MAML3: variants seen among roughly 807,000 people sequenced by gnomAD.
MAML3 encodes mastermind like transcriptional coactivator 3, also known as mastermind-like protein 3.
A neutral mutation model predicts 101.9 loss-of-function variants in MAML3; 27 were observed. The observed-to-expected ratio is 0.27, with a 90% CI of 0.20 to 0.37. MAML3 has a LOEUF of 0.37. Ranked by LOEUF, MAML3 falls within the 10% of genes least tolerant of loss-of-function variation. The pLI is 1.00. For synonymous variants in MAML3, 501 were observed against 555.9 expected (o/e 0.90, Z 1.39); for missense variants, 1,316 against 1,444.9 (o/e 0.91, Z 1.45).
chr4:139,918,200 G>A lies in MAML3; in HGVS notation c.469-27233C>T, dbSNP rs557631627. 5.3e-5 allele frequency among the ~76,000 whole-genome samples: 8 copies of A among 152,164 alleles called. No homozygotes were observed. The East Asian group carries it at 1.4e-3, about 26-fold the overall frequency. On this transcript the variant is annotated intron_variant, in intron 1 of 4. Coordinates refer to ENST00000509479, the MANE Select transcript of MAML3 (RefSeq NM_018717.5). Reference sequence around the variant, plus strand: ...TCCACCAGCATCCAGAGTCACTGTTGAAAAACATTCTTCAGAGTATGTCTT... The same window carrying A: ...TCCACCAGCATCCAGAGTCACTGTTAAAAAACATTCTTCAGAGTATGTCTT...
chr4:139,865,621 CT>C (rs1212644764), intron 2 of MAML3, among the ~76,000 whole-genome samples: 1 of 151,264 alleles, frequency 6.6e-6, no homozygotes, highest in Non-Finnish European at 1.5e-5. Context: ...TCTTGTTTAA[CT>C]CTTCCCAACT....
intron 1 of MAML3, among the ~76,000 whole-genome samples, chr4:140,118,639 G>C (rs1455485016): frequency 6.6e-6 from 1 of 152,120 alleles, no homozygotes; most frequent in Non-Finnish European, 1.5e-5. Flanking sequence ...GAGCCTAGGA[G>C]TTCAAGACCA....
chr4:139,832,848 C>T (rs1176504024), intron 2 of MAML3, among the ~76,000 whole-genome samples: 1 of 152,192 alleles, frequency 6.6e-6, no homozygotes, highest in Non-Finnish European at 1.5e-5. Context: ...TGATATTTGT[C>T]CACATCATCC....
chr4:139,798,214 A>T (rs530121354), intron 2 of MAML3, among the ~76,000 whole-genome samples: 1 of 152,198 alleles, frequency 6.6e-6, no homozygotes, highest in South Asian at 2.1e-4. Context: ...TAATACAATA[A>T]GAAAAAAATC....
chr4:139,740,516 G>C (rs1729128941), intron 2 of MAML3: 1 of 152,166 alleles, frequency 6.6e-6, no homozygotes, highest in Non-Finnish European at 1.5e-5. Flanking sequence ...AGTCTCAGCT[G>C]TCTTCAGCTG....
At chr4:140,101,208 C>T (rs1017701809) in intron 1 of MAML3, among the ~76,000 whole-genome samples, 5 of 152,146 alleles carry the variant, frequency 3.3e-5, no homozygotes, top group East Asian at 1.9e-4. Flanking sequence ...TTGTTTAAGC[C>T]GTCAAGTTTT....
intron 1 of MAML3, among the ~76,000 whole-genome samples, chr4:139,945,294 T>A (rs1733702402): frequency 6.6e-6 from 1 of 152,270 alleles, no homozygotes; most frequent in South Asian, 2.1e-4. Flanking sequence ...CTTTGAATTA[T>A]CATTTTATGT....
At chr4:139,819,082 A>G (rs746882298) in intron 2 of MAML3, among the ~76,000 whole-genome samples, 1 of 152,248 alleles carries the variant, frequency 6.6e-6, no homozygotes, top group Non-Finnish European at 1.5e-5. Flanking sequence ...GTAAGGCCGA[A>G]TAAAATAAGC....
At chr4:139,921,391 C>T (rs941129882) in intron 1 of MAML3, among the ~76,000 whole-genome samples, 2 of 152,124 alleles carry the variant, frequency 1.3e-5, no homozygotes, top group Non-Finnish European at 2.9e-5. Context: ...TGCTCACTAT[C>T]GCTCCTGTGG....
At chr4:140,133,925 AT>A (rs1363607418) in intron 1 of MAML3, 1 of 349,122 alleles carries the variant, frequency 2.9e-6, no homozygotes, top group African/African-American at 2.1e-5. Flanking sequence ...CATCTATTTG[AT>A]TTTTTACCCA....
chr4:140,014,187 A>G (rs1000462229), intron 1 of MAML3, among the ~76,000 whole-genome samples: 2 of 152,228 alleles, frequency 1.3e-5, no homozygotes, highest in African/African-American at 2.4e-5. Flanking sequence ...TGACTTCCCA[A>G]CACTGTAGTA....
intron 2 of MAML3, among the ~76,000 whole-genome samples, chr4:139,801,569 G>C (rs1439242746): frequency 2.6e-5 from 4 of 152,086 alleles, no homozygotes; most frequent in Admixed American, 2.6e-4. Context: ...TGGCAAAACT[G>C]AGAAAAGATT....
At chr4:139,880,414 G>A (rs1703734894) in intron 2 of MAML3, among the ~76,000 whole-genome samples, 1 of 152,010 alleles carries the variant, frequency 6.6e-6, no homozygotes, top group African/African-American at 2.4e-5. Flanking sequence ...CCCCTCAGCA[G>A]GGAAGGCCTG....
intron 1 of MAML3, among the ~76,000 whole-genome samples, chr4:140,014,069 T>C (rs930581110): frequency 1.3e-5 from 2 of 152,214 alleles, no homozygotes; most frequent in African/African-American, 4.8e-5. Context: ...TGTGGAACCA[T>C]CTTTCTGTGA....
chr4:140,051,916 C>T (rs1418096955), intron 1 of MAML3, among the ~76,000 whole-genome samples: 1 of 152,156 alleles, frequency 6.6e-6, no homozygotes, highest in Non-Finnish European at 1.5e-5. Flanking sequence ...GCCACCAGAA[C>T]CAGGCAATTC....
At chr4:139,817,150 T>G (rs1462751954) in intron 2 of MAML3, among the ~76,000 whole-genome samples, 1 of 152,206 alleles carries the variant, frequency 6.6e-6, no homozygotes, top group African/African-American at 2.4e-5. Flanking sequence ...CTGGTTCTGA[T>G]CCTATCTACC....
intron 1 of MAML3, among the ~76,000 whole-genome samples, chr4:139,924,720 T>A (rs1648206396): frequency 6.6e-6 from 1 of 152,186 alleles, no homozygotes; most frequent in Admixed American, 6.5e-5. Context: ...GAGGGGTGGG[T>A]TTGCACTTTG....
At chr4:139,885,778 A>C (rs1479388426) in intron 2 of MAML3, among the ~76,000 whole-genome samples, 2 of 150,302 alleles carry the variant, frequency 1.3e-5, no homozygotes, top group African/African-American at 4.9e-5. Flanking sequence ...AAAAAAAAAA[A>C]AAAAATTAGC....
chr4:139,717,011 T>TA lies in MAML3; in HGVS notation c.*2311dup, dbSNP rs1053184163. 6.6e-6 allele frequency: 1 copy of TA among 152,566 alleles called. No individual in the cohort carries two copies. The highest frequency in any genetic ancestry group is 2.4e-5 in the African/African-American group (1 of 41,444). The allele number at this position is 152,566 out of a possible 1,614,324, so 9.5% of individuals were successfully genotyped here. A position where few individuals can be genotyped will look rare whatever the true frequency, so the allele number is the denominator to read the frequency against. On this transcript the variant is annotated 3_prime_UTR_variant, in exon 5 of 5. Transcript: ENST00000509479. The stretch of plus-strand genomic sequence containing the variant: ...TGTGATGATGAGTTAAGGAATGAAA[T>TA]AAAAATACTCTATTTTAAACAAACA...
Sources: gnomAD v4.1 joint callset for allele counts (sites outside exome capture counted in the v4.1 genomes callset) on GRCh38, gnomAD v4.1.1 for gene constraint, MANE v1.5 for transcripts, NCBI Gene and HGNC (gene_info 2026-07-23, HGNC 2026-07-21) for gene names.